Variants in TGFBI observed in about 807,000 individuals in gnomAD.
TGFBI encodes the protein transforming growth factor beta induced.
TGFBI carries 50 observed loss-of-function variants against 73.7 expected under a neutral mutation model. That is an observed-to-expected ratio of 0.68 (90% confidence interval 0.54 to 0.86). The LOEUF (loss-of-function observed/expected upper bound fraction) is 0.86, where lower values mean the gene tolerates loss of function less well. TGFBI is among the 40% of genes least tolerant of loss of function. The pLI is 0.00. For synonymous variants in TGFBI, 362 were observed against 360.5 expected, an observed-to-expected ratio of 1.00 and a Z score of -0.05; for missense variants, 839 against 877.0, an observed-to-expected ratio of 0.96 and a Z score of 0.55.
chr5:136,049,470 T>C lies in TGFBI; in HGVS notation c.803T>C (p.Met268Thr), dbSNP rs1464785067. ...AAVAASGLNT[M>T]LEGNGQYTLL... ...GTGGCTGCATCAGGGCTCAACACGATGCTTGAAGGTAACGGCCAGTACACG... is the reference window on the plus strand; with the variant it reads ...GTGGCTGCATCAGGGCTCAACACGACGCTTGAAGGTAACGGCCAGTACACG... Residue 268 changes from methionine to threonine, a missense_variant, in exon 7 of 17, where the codon ATG becomes ACG. Met to Thr is a moderately conservative substitution (Grantham distance 81). Coordinates refer to ENST00000442011, the MANE Select transcript of TGFBI (RefSeq NM_000358.3). The C allele has an allele frequency of 1.9e-6, 3 of 1,613,892 alleles. No individual in the cohort carries two copies. Among genetic ancestry groups the C allele is most frequent in the South Asian group, 1.1e-5 (1 of 91,084 alleles).
At position 136,059,142 on chromosome 5, in the gene TGFBI, C is replaced by T; in HGVS notation, c.1731C>T (p.Ile577=). 6.2e-7 allele frequency: 1 copy of T among 1,611,594 alleles called. No individual in the cohort carries two copies. The highest frequency in any genetic ancestry group is 8.5e-7 in the Non-Finnish European group (1 of 1,179,068). ...NILKYHIGDE[I]LVSGGIGALV... ...TGAAATACCACATTGGTGATGAAAT[C>T]CTGGTTAGCGGAGGCATCGGGGCCC... Residue 577 remains isoleucine, a synonymous_variant, in exon 13 of 17, where the codon ATC becomes ATT. Coordinates refer to ENST00000442011, the MANE Select transcript of TGFBI (RefSeq NM_000358.3).
At chr5:136,055,414 GA>G (rs1751611861) in intron 10 of TGFBI, 1 of 359,338 alleles carries the variant, frequency 2.8e-6, no homozygotes, top group African/African-American at 2.1e-5. Flanking sequence ...ATTGTCAATG[GA>G]CCTCATGTGT....
At chr5:136,032,762 C>T (rs1179915976) in intron 1 of TGFBI, among the ~76,000 whole-genome samples, 1 of 152,094 alleles carries the variant, frequency 6.6e-6, no homozygotes, top group Non-Finnish European at 1.5e-5. Flanking sequence ...CCTGACTGAC[C>T]ACGTAGCACA....
At chr5:136,047,632 G>A (rs1751455140) in intron 6 of TGFBI, 2 of 618,288 alleles carry the variant, frequency 3.2e-6, no homozygotes, top group Non-Finnish European at 5.5e-6. Flanking sequence ...TTTATAAAGT[G>A]TTCCCTTCCT....
chr5:136,052,184 G>A (rs1751549429), intron 7 of TGFBI, among the ~76,000 whole-genome samples: 1 of 152,224 alleles, frequency 6.6e-6, no homozygotes, highest in Admixed American at 6.5e-5. Context: ...AGCCCCCTTT[G>A]GGCCTCAGCC....
chr5:136,047,142 G>T, intron 5 of TGFBI, 127 bp downstream of exon 5: 1 of 1,520,190 alleles, frequency 6.6e-7, no homozygotes, highest in East Asian at 2.3e-5. Flanking sequence ...GCTTCTCCTT[G>T]GGCCCTCTAT....
At chr5:136,053,704 G>A (rs922929042) in intron 8 of TGFBI, among the ~76,000 whole-genome samples, 4 of 152,172 alleles carry the variant, frequency 2.6e-5, no homozygotes, top group Non-Finnish European at 5.9e-5. Context: ...CAGGGCCTGG[G>A]ACAGAGGCTG....
At chr5:136,031,374 A>G (rs1188779407) in intron 1 of TGFBI, among the ~76,000 whole-genome samples, 1 of 152,248 alleles carries the variant, frequency 6.6e-6, no homozygotes, top group African/African-American at 2.4e-5. Context: ...TGCTATTTTA[A>G]GGAATTGTAG....
intron 6 of TGFBI, 149 bp from the exon 7 acceptor site, chr5:136,049,290 T>C: frequency 1.9e-6 from 2 of 1,065,296 alleles, no homozygotes; most frequent in South Asian, 1.8e-5. Context: ...GCCATGGTCA[T>C]GGGTGAGCTT....
chr5:136,033,511 A>T (rs1362896863), intron 1 of TGFBI, among the ~76,000 whole-genome samples: 1 of 152,198 alleles, frequency 6.6e-6, no homozygotes, highest in East Asian at 1.9e-4. Flanking sequence ...AAGGATATGT[A>T]CATGAAGTTA....
At position 136,040,367 on chromosome 5, in the gene TGFBI, G is replaced by T. The variant is rs530281613; in HGVS notation, c.234-3691G>T. On this transcript the variant is annotated intron_variant, in intron 2 of 16. Transcript: ENST00000442011. Reference sequence around the variant, plus strand: ...CCACACAGCAGGAGTTGAGTGGCAGGGAGTGAGCATTATTGCCTGAGCTCC... The same window carrying T: ...CCACACAGCAGGAGTTGAGTGGCAGTGAGTGAGCATTATTGCCTGAGCTCC... Among the ~76,000 whole-genome samples the T allele has an allele frequency of 2.0e-5, 3 of 152,196 alleles. No individual in the cohort carries two copies. The South Asian group carries it at 6.2e-4, about 31-fold the overall frequency.
At chr5:136,058,171 G>T (rs537396183) in intron 12 of TGFBI, among the ~76,000 whole-genome samples, 1 of 152,296 alleles carries the variant, frequency 6.6e-6, no homozygotes, top group African/African-American at 2.4e-5. Context: ...CCAGGTTGTG[G>T]ATGTTTGAAA....
intron 2 of TGFBI, among the ~76,000 whole-genome samples, chr5:136,034,117 A>G (rs1406410024): frequency 6.6e-6 from 1 of 151,526 alleles, no homozygotes; most frequent in African/African-American, 2.4e-5. Flanking sequence ...AACATGAAAC[A>G]CTGCGTGTGT....
intron 2 of TGFBI, among the ~76,000 whole-genome samples, chr5:136,039,261 C>T (rs999039537): frequency 9.9e-5 from 15 of 152,184 alleles, no homozygotes; most frequent in African/African-American, 3.4e-4. Context: ...TGATTATTAG[C>T]CCATTTACAG....
chr5:136,029,771 GA>G (rs1035498186), intron 1 of TGFBI, among the ~76,000 whole-genome samples: 29 of 152,330 alleles, frequency 1.9e-4, no homozygotes, highest in African/African-American at 6.3e-4. Flanking sequence ...GCCCGATGAA[GA>G]GCAGGAGAAT....
chr5:136,063,621 C>A lies in TGFBI; in HGVS notation c.*395C>A, dbSNP rs558406262. 4.2e-4 allele frequency: 85 copies of A among 200,756 alleles called. No individual in the cohort carries two copies. In the South Asian group the frequency reaches 9.1e-3, roughly 21 times the overall value. The allele number at this position is 200,756 out of a possible 1,614,324, so 12.4% of individuals were successfully genotyped here. ...AAGTCCTGGCACAGTTTTTGTAAAG[C>A]CCTTGCACAGCTGGAGAAATGGCAT... On this transcript the variant is annotated 3_prime_UTR_variant, in exon 17 of 17. Coordinates refer to ENST00000442011, the MANE Select transcript of TGFBI (RefSeq NM_000358.3).
chr5:136,056,525 A>G (rs1176943641), intron 11 of TGFBI, 140 bp from the exon 12 acceptor site: 1 of 1,114,330 alleles, frequency 9.0e-7, no homozygotes. Context: ...GGGCATGAAA[A>G]CCAAGGTGTG....
At chr5:136,052,168 G>A (rs906940151) in intron 7 of TGFBI, among the ~76,000 whole-genome samples, 14 of 152,368 alleles carry the variant, frequency 9.2e-5, no homozygotes, top group African/African-American at 3.1e-4. Flanking sequence ...GTCACGATGG[G>A]TCAGGAGCCC....
intron 5 of TGFBI, 114 bp downstream of exon 5, chr5:136,047,129 C>A: frequency 6.6e-7 from 1 of 1,517,262 alleles, no homozygotes; most frequent in Non-Finnish European, 8.9e-7. Flanking sequence ...CCTCTTTGTG[C>A]CTGCTTCTCC....
Sources: allele counts gnomAD v4.1 joint callset (sites outside exome capture counted in the v4.1 genomes callset), GRCh38; gene constraint gnomAD v4.1.1; transcripts MANE v1.5; gene names NCBI Gene and HGNC (gene_info 2026-07-23, HGNC 2026-07-21).